Variants in DDX19B observed in about 807,000 individuals in gnomAD.
The protein encoded by DDX19B is ATP-dependent RNA helicase DDX19B.
In DDX19B, 27 loss-of-function variants were observed where a neutral mutation model predicts 58.1. The ratio of observed to expected loss-of-function variants is 0.46; its 90% confidence interval spans 0.34 to 0.64. The LOEUF is 0.64. Among genes scored for constraint, DDX19B ranks in the 30% least tolerant of loss-of-function variants. The pLI is 0.01. For missense variants in DDX19B, 399 were observed against 596.5 expected (o/e 0.67, Z 3.45); for synonymous variants, 187 against 214.4 (o/e 0.87, Z 1.12).
At chr16:70,290,878 T>A (rs1244854149), upstream of DDX19B, among the ~76,000 whole-genome samples, 1 of 152,208 alleles carries the variant, frequency 6.6e-6, no homozygotes, top group Non-Finnish European at 1.5e-5. Context: ...TGTGTCTATT[T>A]AACTCCAAAG....
At chr16:70,293,140 G>A (rs893123968), upstream of DDX19B, among the ~76,000 whole-genome samples, 2 of 151,622 alleles carry the variant, frequency 1.3e-5, no homozygotes, top group African/African-American at 4.8e-5. Context: ...GAAACAGGCC[G>A]GCGTGATGGC....
chr16:70,311,311 C>T (rs555814808), intron 1 of DDX19B, among the ~76,000 whole-genome samples: 8 of 152,046 alleles, frequency 5.3e-5, no homozygotes, highest in Non-Finnish European at 1.0e-4. Context: ...ACCCGGAAGG[C>T]AGAGCTTGCA....
chr16:70,315,911 A>C (rs1962375080), intron 3 of DDX19B, 58 bp from the exon 4 acceptor site: 1 of 1,583,614 alleles, frequency 6.3e-7, no homozygotes, highest in Non-Finnish European at 8.6e-7. Context: ...GAATTAGAGT[A>C]AACGCCTGGT....
At chr16:70,302,588 T>A (rs2152185203) in intron 1 of DDX19B, among the ~76,000 whole-genome samples, 1 of 152,344 alleles carries the variant, frequency 6.6e-6, no homozygotes. Flanking sequence ...TTCCTTTTTA[T>A]TGCTGAGTAG....
upstream of DDX19B, among the ~76,000 whole-genome samples, chr16:70,290,313 G>T (rs9922969): frequency 5.9e-5 from 9 of 152,018 alleles, no homozygotes; most frequent in East Asian, 1.7e-3. Context: ...TGAGGCCAAC[G>T]GATGACGAGG....
At chr16:70,324,470 A>C in intron 5 of DDX19B, 115 bp from the exon 6 acceptor site, 1 of 831,462 alleles carries the variant, frequency 1.2e-6, no homozygotes, top group South Asian at 1.6e-5. Context: ...AGCATATGTA[A>C]CTCTGCTACA....
At chr16:70,311,148 C>T (rs913698316) in intron 1 of DDX19B, among the ~76,000 whole-genome samples, 21 of 149,700 alleles carry the variant, frequency 1.4e-4, no homozygotes, top group African/African-American at 5.2e-4. Flanking sequence ...CTGAGGCAGG[C>T]GGATCACGAG....
chr16:70,303,761 A>G (rs980892881), intron 1 of DDX19B, among the ~76,000 whole-genome samples: 1 of 151,306 alleles, frequency 6.6e-6, no homozygotes, highest in Non-Finnish European at 1.5e-5. Flanking sequence ...GGGTTTCACC[A>G]TGTTAGCCAG....
chr16:70,300,049 T>G (rs1961405571), intron 1 of DDX19B, among the ~76,000 whole-genome samples: 1 of 152,206 alleles, frequency 6.6e-6, no homozygotes, highest in South Asian at 2.1e-4. Flanking sequence ...TGAACCTACT[T>G]CTGTTAGTAC....
At chr16:70,314,698 A>ATC (rs36102817) in intron 2 of DDX19B, 107 of 267,660 alleles carry the variant, frequency 4.0e-4, no homozygotes, top group African/African-American at 2.4e-3. Context: ...ATATCTATCT[A>ATC]TATATATATA....
Position 70,334,413 on chromosome 16 carries a change from C to T in DDX19B, c.*831C>T, listed in dbSNP as rs1597509189. Reference sequence around the variant, plus strand: ...CATCCCTTTTACATCCTTAATATCCCCTTACCCCACAGTAGCCCCAAACAA... The same window carrying T: ...CATCCCTTTTACATCCTTAATATCCTCTTACCCCACAGTAGCCCCAAACAA... On this transcript the variant is annotated 3_prime_UTR_variant, in exon 12 of 12. Transcript: ENST00000288071. 2 of 152,084 alleles carry T rather than the reference C, an allele frequency of 1.3e-5. No homozygotes were observed. The highest frequency in any genetic ancestry group is 4.8e-5 in the African/African-American group (2 of 41,410). The allele number at this position is 152,084 out of a possible 1,614,324, so 9.4% of individuals were successfully genotyped here.
intron 11 of DDX19B, 43 bp downstream of exon 11, chr16:70,333,202 G>A: frequency 1.0e-6 from 1 of 958,190 alleles, no homozygotes; most frequent in Non-Finnish European, 1.6e-6. Context: ...CCTTTGCTAA[G>A]TAGGGCGGGG....
At chr16:70,321,928 G>A (rs1280158728) in intron 5 of DDX19B, among the ~76,000 whole-genome samples, 5 of 151,928 alleles carry the variant, frequency 3.3e-5, no homozygotes, top group African/African-American at 7.2e-5. Flanking sequence ...CCAGCTACTC[G>A]GGAGGCTGAG....
intron 6 of DDX19B, among the ~76,000 whole-genome samples, chr16:70,324,974 C>T (rs939348903): frequency 6.6e-6 from 1 of 152,136 alleles, no homozygotes; most frequent in African/African-American, 2.4e-5. Flanking sequence ...TCATTTGAAC[C>T]CGGGAGGCGG....
intron 10 of DDX19B, among the ~76,000 whole-genome samples, chr16:70,332,092 G>A (rs1162422069): frequency 6.6e-6 from 1 of 152,186 alleles, no homozygotes; most frequent in African/African-American, 2.4e-5. Context: ...TTGGTGGAAG[G>A]AAATGTACAG....
upstream of DDX19B, chr16:70,294,688 T>C: frequency 2.0e-6 from 1 of 498,158 alleles, no homozygotes; most frequent in Admixed American, 4.0e-5. Context: ...CTTGCGCTTG[T>C]CTTTGGCCCC....
intron 4 of DDX19B, among the ~76,000 whole-genome samples, chr16:70,317,070 T>C (rs1962463132): frequency 6.6e-6 from 1 of 151,752 alleles, no homozygotes; most frequent in Non-Finnish European, 1.5e-5. Context: ...TAGCAGGGCA[T>C]GTTGGCGGGT....
chr16:70,294,659 CAA>C, upstream of DDX19B: 1 of 451,202 alleles, frequency 2.2e-6, no homozygotes, highest in Admixed American at 4.0e-5. Context: ...TAGCAGGAAA[CAA>C]AGCCCTCTGC....
chr16:70,321,320 T>C (rs959735720), intron 5 of DDX19B, among the ~76,000 whole-genome samples: 1 of 152,042 alleles, frequency 6.6e-6, no homozygotes, highest in African/African-American at 2.4e-5. Flanking sequence ...GGGTCTTACT[T>C]TGTTGCCCAG....
Sources: allele counts gnomAD v4.1 joint callset (sites outside exome capture counted in the v4.1 genomes callset), GRCh38; gene constraint gnomAD v4.1.1; transcripts MANE v1.5; gene names NCBI Gene and HGNC (gene_info 2026-07-23, HGNC 2026-07-21).